ZNRF2: variants seen among roughly 807,000 people sequenced by gnomAD.
ZNRF2 encodes the protein zinc and ring finger 2, also known as E3 ubiquitin-protein ligase ZNRF2.
In ZNRF2, 16 loss-of-function variants were observed where a neutral mutation model predicts 20.4. The ratio of observed to expected loss-of-function variants is 0.79; its 90% CI spans 0.53 to 1.19. The LOEUF is 1.19. Among genes scored for constraint, ZNRF2 ranks in the 50% most tolerant of loss-of-function variants. The pLI is 0.00. For synonymous variants in ZNRF2, 178 were observed against 144.9 expected, an observed-to-expected ratio of 1.23 and a Z score of -1.64; for missense variants, 363 against 332.4, an observed-to-expected ratio of 1.09 and a Z score of -0.72.
At chr7:30,344,980 T>G (rs1347098718) in intron 2 of ZNRF2, among the ~76,000 whole-genome samples, 1 of 152,166 alleles carries the variant, frequency 6.6e-6, no homozygotes, top group Non-Finnish European at 1.5e-5. Context: ...CCTTTTAAAA[T>G]TGACTTAGTC....
chr7:30,291,002 C>A (rs1411343026), intron 1 of ZNRF2, among the ~76,000 whole-genome samples: 1 of 152,134 alleles, frequency 6.6e-6, no homozygotes, highest in Non-Finnish European at 1.5e-5. Flanking sequence ...TGTAATAGAA[C>A]TGTTAACAAA....
At chr7:30,294,310 T>TA (rs148873509) in intron 1 of ZNRF2, among the ~76,000 whole-genome samples, 1 of 152,378 alleles carries the variant, frequency 6.6e-6, no homozygotes, top group African/African-American at 2.4e-5. Flanking sequence ...TTTGGATACT[T>TA]ACCATTTTCA....
chr7:30,295,861 C>T (rs563373702), intron 1 of ZNRF2, among the ~76,000 whole-genome samples: 81 of 152,214 alleles, frequency 5.3e-4, no homozygotes, highest in Non-Finnish European at 1.1e-3. Flanking sequence ...CAGTCTCACC[C>T]TCCTCAGAAA....
At chr7:30,359,680 G>T (rs999024603) in intron 3 of ZNRF2, among the ~76,000 whole-genome samples, 1 of 152,136 alleles carries the variant, frequency 6.6e-6, no homozygotes, top group African/African-American at 2.4e-5. Flanking sequence ...CACAATTTGT[G>T]CATTAGCTTT....
chr7:30,358,108 A>T (rs1244273892), intron 3 of ZNRF2, among the ~76,000 whole-genome samples: 1 of 152,186 alleles, frequency 6.6e-6, no homozygotes, highest in Non-Finnish European at 1.5e-5. Flanking sequence ...TAACTCAATA[A>T]ATGTGAGAAA....
At chr7:30,339,416 C>G (rs1799762347) in intron 2 of ZNRF2, among the ~76,000 whole-genome samples, 1 of 152,140 alleles carries the variant, frequency 6.6e-6, no homozygotes, top group African/African-American at 2.4e-5. Flanking sequence ...ACGTTTAAGT[C>G]TTTAATCCAT....
chr7:30,302,679 A>G (rs1039804080), intron 1 of ZNRF2, among the ~76,000 whole-genome samples: 10 of 152,076 alleles, frequency 6.6e-5, no homozygotes, highest in Admixed American at 6.5e-5. Flanking sequence ...GTATATTGCC[A>G]TTTATTTTCT....
intron 1 of ZNRF2, among the ~76,000 whole-genome samples, chr7:30,296,081 A>T (rs1799015623): frequency 6.6e-6 from 1 of 152,266 alleles, no homozygotes; most frequent in Non-Finnish European, 1.5e-5. Flanking sequence ...CCCAAAATGT[A>T]TTTGATAACT....
chr7:30,323,038 A>AC (rs1418757146), intron 1 of ZNRF2, among the ~76,000 whole-genome samples: 1 of 152,074 alleles, frequency 6.6e-6, no homozygotes, highest in African/African-American at 2.4e-5. Context: ...AAAAACCTGT[A>AC]CCCCGATCTG....
chr7:30,315,390 A>T (rs1799353832), intron 1 of ZNRF2, among the ~76,000 whole-genome samples: 2 of 152,126 alleles, frequency 1.3e-5, no homozygotes, highest in East Asian at 3.9e-4. Context: ...TATGAGAGAG[A>T]TCTGGTAGAG....
In ZNRF2 at chr7:30,285,325, C is replaced by G. The variant is rs1487538682; in HGVS notation, c.-33C>G. 3.7e-5 allele frequency: 40 copies of G among 1,076,516 alleles called. No homozygotes were observed. The East Asian group carries it at 1.3e-3, about 34-fold the overall frequency. 66.7% of individuals were successfully genotyped at this position (1,076,516 alleles called of 1,614,324 possible). A position where few individuals can be genotyped will look rare whatever the true frequency, so the allele number is the denominator to read the frequency against. On this transcript the variant is annotated 5_prime_UTR_variant, in exon 1 of 5. Transcript: ENST00000323037. ...TCCCGCCCTCCCGGCTCTCGGGGCG[C>G]AGCGCGCGGGCCCGGCCCGGGGCAG... is the stretch of plus-strand genomic sequence containing the variant.
At chr7:30,346,169 G>A (rs1199200171) in intron 2 of ZNRF2, among the ~76,000 whole-genome samples, 1 of 29,618 alleles carries the variant, frequency 3.4e-5, no homozygotes, top group Non-Finnish European at 7.8e-5. Context: ...TGTTAAGTCT[G>A]ATTTTTTTTT....
At chr7:30,308,878 T>C (rs1799249087) in intron 1 of ZNRF2, among the ~76,000 whole-genome samples, 1 of 152,154 alleles carries the variant, frequency 6.6e-6, no homozygotes, top group Non-Finnish European at 1.5e-5. Flanking sequence ...TCTAAAAATA[T>C]TATTAGAAAT....
chr7:30,360,397 A>G (rs962647506), intron 3 of ZNRF2, among the ~76,000 whole-genome samples: 2 of 152,196 alleles, frequency 1.3e-5, no homozygotes, highest in African/African-American at 4.8e-5. Flanking sequence ...GTTGTACACA[A>G]TGAAAATGTA....
chr7:30,288,489 A>G (rs1798838064), intron 1 of ZNRF2, among the ~76,000 whole-genome samples: 1 of 152,214 alleles, frequency 6.6e-6, no homozygotes, highest in African/African-American at 2.4e-5. Context: ...AGAGTCTAGC[A>G]AGTGGAATTG....
rs1192135641 is a variant in ZNRF2 at position 30,285,398 on chromosome 7, G to T, written c.41G>T (p.Arg14Leu). The stretch of plus-strand genomic sequence containing the variant: ...AGCGGCCCGGCCGCCGCTAACGGCC[G>T]CACGCGCGCGTACTCGGGCTCGGAT... ...KQSGPAAANG[R>L]TRAYSGSDLP... The change falls in exon 1 of 5, where the codon CGC becomes CTC. Residue 14 changes from arginine to leucine, a missense_variant. Physicochemically the swap from Arg to Leu is moderately radical, Grantham distance 102 (BLOSUM62 -2). Transcript: ENST00000323037. 17 of 1,259,364 alleles carry T rather than the reference G, an allele frequency of 1.3e-5. 1 individual carries two copies. Among genetic ancestry groups the T allele is most frequent in the Non-Finnish European group, 1.7e-5 (17 of 985,852 alleles). The allele number at this position is 1,259,364 out of a possible 1,614,324, so 78.0% of individuals were successfully genotyped here. A position where few individuals can be genotyped will look rare whatever the true frequency, so the allele number is the denominator to read the frequency against.
At chr7:30,319,402 G>T (rs1461869825) in intron 1 of ZNRF2, among the ~76,000 whole-genome samples, 1 of 152,194 alleles carries the variant, frequency 6.6e-6, no homozygotes, top group East Asian at 1.9e-4. Flanking sequence ...TAATGTGTAA[G>T]TAGTAGTATC....
intron 1 of ZNRF2, among the ~76,000 whole-genome samples, chr7:30,313,219 A>G (rs1389205217): frequency 6.6e-6 from 1 of 152,176 alleles, no homozygotes; most frequent in Non-Finnish European, 1.5e-5. Flanking sequence ...GGTTTTTCCT[A>G]GTGTTTTGCT....
intron 1 of ZNRF2, among the ~76,000 whole-genome samples, chr7:30,311,946 A>T (rs1799298584): frequency 1.3e-5 from 2 of 152,310 alleles, no homozygotes; most frequent in Middle Eastern, 3.4e-3. Context: ...GGCTGTAAAA[A>T]AAATTAGATT....
Sources: allele counts gnomAD v4.1 joint callset (sites outside exome capture counted in the v4.1 genomes callset), GRCh38; gene constraint gnomAD v4.1.1; transcripts MANE v1.5; gene names NCBI Gene and HGNC (gene_info 2026-07-23, HGNC 2026-07-21).